Variants in TBC1D16 observed in about 807,000 individuals in gnomAD.
The protein encoded by TBC1D16 is CTD-2529O21.1.
A neutral mutation model predicts 74.7 loss-of-function variants in TBC1D16; 58 were observed. That is an observed-to-expected ratio of 0.78 (90% CI 0.63 to 0.97). TBC1D16 has a LOEUF of 0.97. Ranked by LOEUF, TBC1D16 falls within the 50% of genes least tolerant of loss-of-function variation. The probability of loss-of-function intolerance (pLI) is 0.00; values close to 1 mark genes in which losing one functional copy is unlikely to be tolerated. For missense variants in TBC1D16, 1,014 were observed against 1,079.5 expected (o/e 0.94, Z 0.85); for synonymous variants, 493 against 474.7 (o/e 1.04, Z -0.50).
intron 3 of TBC1D16, among the ~76,000 whole-genome samples, chr17:79,953,827 A>C (rs1020073607): frequency 7.3e-5 from 11 of 149,876 alleles, no homozygotes; most frequent in Non-Finnish European, 1.0e-4. Flanking sequence ...GCTGGAGTGC[A>C]GTGTGCGATC....
chr17:80,002,288 G>C (rs2035519951), intron 3 of TBC1D16, among the ~76,000 whole-genome samples: 1 of 152,210 alleles, frequency 6.6e-6, no homozygotes, highest in Non-Finnish European at 1.5e-5. Context: ...AACGATGAAC[G>C]ATAACGCCGT....
In TBC1D16 at chr17:79,987,015, G is replaced by A. The variant is rs1228313954; in HGVS notation, c.779+23145C>T. On this transcript the variant is annotated intron_variant, in intron 3 of 11. Coordinates refer to ENST00000310924, the MANE Select transcript of TBC1D16 (RefSeq NM_019020.4). This position sits in a 1 kb window ranked among gnomAD's most constrained non-coding sequence, Gnocchi z 5.2. ...TTTCCACAGAGGGACCCTGAATTTT[G>A]AGGTGGGGCCACAGAACCTCCCTTG... Among the ~76,000 whole-genome samples, 1 of 152,300 alleles carries A rather than the reference G, an allele frequency of 6.6e-6. No homozygotes were observed. The highest frequency in any genetic ancestry group is 1.9e-4 in the East Asian group (1 of 5,166).
At chr17:80,034,045 T>C (rs554783212) in intron 1 of TBC1D16, among the ~76,000 whole-genome samples, 1 of 152,342 alleles carries the variant, frequency 6.6e-6, no homozygotes, top group Admixed American at 6.5e-5. Flanking sequence ...TAAGCGTCAG[T>C]GTTCCCATCT....
chr17:79,943,637 A>G (rs1211941472), intron 10 of TBC1D16, among the ~76,000 whole-genome samples: 1 of 146,082 alleles, frequency 6.8e-6, no homozygotes, highest in Non-Finnish European at 1.5e-5. Context: ...TCAAGCCCAC[A>G]GTCTGAAAAC....
rs112927955 is a variant in TBC1D16, at chr17:79,984,329, C to G, written c.779+25831G>C. 4.8e-3 allele frequency among the ~76,000 whole-genome samples: 734 copies of G among 152,204 alleles called. 6 individuals carry two copies. The highest frequency in any genetic ancestry group is 7.7e-3 in the Non-Finnish European group (524 of 68,016). On this transcript the variant is annotated intron_variant, in intron 3 of 11. Coordinates refer to ENST00000310924, the MANE Select transcript of TBC1D16 (RefSeq NM_019020.4). Reference sequence around the variant, plus strand: ...GCCTAAAATCAAAAAAAATTTTAAACCAAGAAAGTGAATTTTATATACAGC... The same window carrying G: ...GCCTAAAATCAAAAAAAATTTTAAAGCAAGAAAGTGAATTTTATATACAGC...
chr17:79,985,239 C>T lies in TBC1D16; in HGVS notation c.779+24921G>A, dbSNP rs894382521. Among the ~76,000 whole-genome samples, 2 of 152,040 alleles carry T rather than the reference C, an allele frequency of 1.3e-5. No homozygotes were observed. Among genetic ancestry groups the T allele is most frequent in the Non-Finnish European group, 2.9e-5 (2 of 68,016 alleles). On this transcript the variant is annotated intron_variant, in intron 3 of 11. Transcript: ENST00000310924. The surrounding 1 kb of genome is among the most constrained non-coding windows in gnomAD (Gnocchi z 4.9). ...CCCCTCCTGTGTCTGTGTGTCCGTCCGTGTCTTTTAAAGACATCCGTTGGA... is the reference window on the plus strand; with the variant it reads ...CCCCTCCTGTGTCTGTGTGTCCGTCTGTGTCTTTTAAAGACATCCGTTGGA...
At chr17:79,964,062 G>A (rs1032292190) in intron 3 of TBC1D16, among the ~76,000 whole-genome samples, 16 of 152,124 alleles carry the variant, frequency 1.1e-4, no homozygotes, top group African/African-American at 3.9e-4. Context: ...AGCAACCTCT[G>A]TTTTCCAGGT....
At position 79,941,925 on chromosome 17, in the gene TBC1D16, T is replaced by TG. The variant is rs1172831699; in HGVS notation, c.2055+134dup. On this transcript the variant is annotated intron_variant, in intron 11 of 11. Coordinates refer to ENST00000310924, the MANE Select transcript of TBC1D16 (RefSeq NM_019020.4). The surrounding 1 kb of genome is among the most constrained non-coding windows in gnomAD (Gnocchi z 4.3). ...GCTATGGGTGGGGGAGGGCACGTGC[T>TG]GGGGGGCCATGGTGGGGATGGGGCT... is the stretch of plus-strand genomic sequence containing the variant. 1 of 708,674 alleles carries TG rather than the reference T, an allele frequency of 1.4e-6. No homozygotes were observed. Among genetic ancestry groups the TG allele is most frequent in the Admixed American group, 2.8e-5 (1 of 35,752 alleles). 43.9% of individuals were successfully genotyped at this position (708,674 alleles called of 1,614,324 possible). A position where few individuals can be genotyped will look rare whatever the true frequency, so the allele number is the denominator to read the frequency against.
intron 7 of TBC1D16, among the ~76,000 whole-genome samples, chr17:79,949,428 C>A (rs1003091105): frequency 6.6e-6 from 1 of 152,234 alleles, no homozygotes; most frequent in Admixed American, 6.5e-5. Flanking sequence ...CTGCTCCCAG[C>A]CCCAGCCTTC....
Position 79,941,070 on chromosome 17 carries a change from CG to C in TBC1D16, c.2092del (p.Arg698GlyfsTer52). 2 of 1,593,604 alleles carry C rather than the reference CG, an allele frequency of 1.3e-6. No individual in the cohort carries two copies. Among genetic ancestry groups the C allele is most frequent in the Non-Finnish European group, 1.7e-6 (2 of 1,169,828 alleles). On this transcript the variant is annotated frameshift_variant, in exon 12 of 12. Transcript: ENST00000310924. LOFTEE classifies it high-confidence loss of function. The surrounding 1 kb of genome is among the most constrained non-coding windows in gnomAD (Gnocchi z 4.3). Reference protein sequence around the residue: ...SLLYQFRLLPRIPCSLHDLCK... With the variant: ...SLLYQFRLLPXIPCSLHDLCK... ...CAGATCGTGCAGGCTGCAGGGGATC[CG>C]GGGCAGGAGGCGGAACTGGTACAGC...
rs1428146169 is a variant in TBC1D16, at chr17:79,973,844, G to C, written c.780-21026C>G. ...CACTCCACCCTGGGCAACAGAGCAA[G>C]ACCCTGTCTCAAACAAAAACAAAAC... On this transcript the variant is annotated intron_variant, in intron 3 of 11. Coordinates refer to ENST00000310924, the MANE Select transcript of TBC1D16 (RefSeq NM_019020.4). 2.0e-5 allele frequency among the ~76,000 whole-genome samples: 3 copies of C among 152,220 alleles called. No individual in the cohort carries two copies. In the East Asian group the frequency reaches 5.8e-4, roughly 29 times the overall value.
chr17:79,998,814 C>G (rs1441240116), intron 3 of TBC1D16, among the ~76,000 whole-genome samples: 1 of 152,012 alleles, frequency 6.6e-6, no homozygotes, highest in African/African-American at 2.4e-5. Context: ...CCACCGCGCC[C>G]GTATGAATGA....
At position 79,964,691 on chromosome 17, in the gene TBC1D16, T is replaced by G. The variant is rs1451400479; in HGVS notation, c.780-11873A>C. 6.6e-5 allele frequency among the ~76,000 whole-genome samples: 10 copies of G among 152,210 alleles called. No individual in the cohort carries two copies. In the East Asian group the frequency reaches 1.9e-3, roughly 29 times the overall value. ...AACTTGTAAAAAATACCACCAATATTCAACTCTCAGTACTATTGCTAAATT... is the reference window on the plus strand; with the variant it reads ...AACTTGTAAAAAATACCACCAATATGCAACTCTCAGTACTATTGCTAAATT... On this transcript the variant is annotated intron_variant, in intron 3 of 11. Coordinates refer to ENST00000310924, the MANE Select transcript of TBC1D16 (RefSeq NM_019020.4).
intron 3 of TBC1D16, among the ~76,000 whole-genome samples, chr17:79,995,459 C>T (rs2035234417): frequency 6.6e-6 from 1 of 151,906 alleles, no homozygotes; most frequent in African/African-American, 2.4e-5. Flanking sequence ...AAACCTCGAC[C>T]CCGTAAAACT....
rs1402033019 is a variant in TBC1D16 at position 79,948,295 on chromosome 17, A to G, written c.1542-464T>C. Among the ~76,000 whole-genome samples the G allele has an allele frequency of 2.1e-5, 3 of 143,742 alleles. No homozygotes were observed. In the East Asian group the frequency reaches 6.3e-4, roughly 30 times the overall value. 94.3% of individuals were successfully genotyped at this position (143,742 alleles called of 152,430 possible). On this transcript the variant is annotated intron_variant, in intron 8 of 11. Transcript: ENST00000310924. ...ACCACTGCACTCCAGTCTGGATGAC[A>G]GAGCGAGACTCCGTCTCAAAAAAAA... is the stretch of plus-strand genomic sequence containing the variant.
chr17:79,965,677 T>C lies in TBC1D16; in HGVS notation c.780-12859A>G, dbSNP rs1161609775. Among the ~76,000 whole-genome samples the C allele has an allele frequency of 2.6e-5, 4 of 152,174 alleles. No individual in the cohort carries two copies. In the South Asian group the frequency reaches 6.2e-4, roughly 24 times the overall value. On this transcript the variant is annotated intron_variant, in intron 3 of 11. Transcript: ENST00000310924. ...AGGATGGACAGCTAGGCGTGACCTA[T>C]GGGAAGCTCACATTCCTGACTCTTT...
intron 1 of TBC1D16, among the ~76,000 whole-genome samples, chr17:80,017,567 G>A (rs1200416665): frequency 6.6e-6 from 1 of 150,582 alleles, no homozygotes; most frequent in Non-Finnish European, 1.5e-5. Context: ...TGTGATCCCA[G>A]CTACTCGGGA....
At chr17:79,949,106 T>G in intron 7 of TBC1D16, 100 bp from the exon 8 acceptor site, 14 of 1,495,428 alleles carry the variant, frequency 9.4e-6, no homozygotes, top group Non-Finnish European at 1.2e-5. Context: ...CCAACCCCCG[T>G]TCCCTGGACG....
rs2034847501 is a variant in TBC1D16, at chr17:79,986,667, A to C, written c.779+23493T>G. On this transcript the variant is annotated intron_variant, in intron 3 of 11. Transcript: ENST00000310924. The surrounding 1 kb of genome is among the most constrained non-coding windows in gnomAD (Gnocchi z 6.0). Reference sequence around the variant, plus strand: ...CACCCGAGTTCTTTGCCTCTTATTAAAGGGCAGAGCCACCATGGTGGGTGA... The same window carrying C: ...CACCCGAGTTCTTTGCCTCTTATTACAGGGCAGAGCCACCATGGTGGGTGA... Among the ~76,000 whole-genome samples the C allele has an allele frequency of 6.6e-6, 1 of 152,056 alleles. No individual in the cohort carries two copies. Among genetic ancestry groups the C allele is most frequent in the Admixed American group, 6.5e-5 (1 of 15,274 alleles).
Sources: allele counts gnomAD v4.1 joint callset (sites outside exome capture counted in the v4.1 genomes callset), GRCh38; gene constraint gnomAD v4.1.1; non-coding constraint Gnocchi (gnomAD v3.1); transcripts MANE v1.5; gene names NCBI Gene and HGNC (gene_info 2026-07-23, HGNC 2026-07-21).